TPRG1: variants seen among roughly 807,000 people sequenced by gnomAD.
The protein encoded by TPRG1 is tumor protein p63-regulated gene 1 protein.
In TPRG1, 29 loss-of-function variants were observed where a neutral mutation model predicts 29.3. The observed-to-expected ratio is 0.99, with a 90% CI of 0.74 to 1.35. The LOEUF is 1.35. Ranked by LOEUF, TPRG1 falls within the 40% of genes most tolerant of loss-of-function variation. TPRG1 has a pLI of 0.00. For synonymous variants in TPRG1, 130 were observed against 116.8 expected, an observed-to-expected ratio of 1.11 and a Z score of -0.73; for missense variants, 327 against 335.0, an observed-to-expected ratio of 0.98 and a Z score of 0.19.
At chr3:189,075,135 AT>A (rs1002088177) in intron 4 of TPRG1, among the ~76,000 whole-genome samples, 3 of 148,170 alleles carry the variant, frequency 2.0e-5, no homozygotes, top group Non-Finnish European at 4.5e-5. Context: ...AAATTTTATT[AT>A]TTTTTTTATT....
At position 189,238,636 on chromosome 3, in the gene TPRG1, A is replaced by G. The variant is rs1739952895; in HGVS notation, c.303-97A>G. 3 of 1,076,558 alleles carry G rather than the reference A, an allele frequency of 2.8e-6. No individual in the cohort carries two copies. In the South Asian group the frequency reaches 4.9e-5, roughly 18 times the overall value. The allele number at this position is 1,076,558 out of a possible 1,614,324, so 66.7% of individuals were successfully genotyped here. Reference sequence around the variant, plus strand: ...AGCCCCTCTCTCTTCTGAGTTGATCAAACTTCACTGTTTTCTGTGCTAGGA... The same window carrying G: ...AGCCCCTCTCTCTTCTGAGTTGATCGAACTTCACTGTTTTCTGTGCTAGGA... On this transcript the variant is annotated intron_variant, in intron 3 of 5. Coordinates refer to ENST00000345063, the MANE Select transcript of TPRG1 (RefSeq NM_198485.4).
chr3:189,259,543 C>A (rs1712615957), intron 4 of TPRG1, among the ~76,000 whole-genome samples: 2 of 145,270 alleles, frequency 1.4e-5, no homozygotes, highest in Non-Finnish European at 1.5e-5. Context: ...CGGCTCACTG[C>A]AACCAACCCC....
intron 4 of TPRG1, among the ~76,000 whole-genome samples, chr3:189,027,088 A>G (rs1416401465): frequency 2.0e-5 from 3 of 152,228 alleles, no homozygotes; most frequent in East Asian, 1.9e-4. Flanking sequence ...ACGCAATGCT[A>G]TGCAATTGTT....
rs5017282 is a variant in TPRG1 at position 189,312,105 on chromosome 3, G to A, written c.633+1566G>A. 4.2e-5 allele frequency among the ~76,000 whole-genome samples: 3 copies of A among 70,906 alleles called. 1 individual carries two copies. Among genetic ancestry groups the A allele is most frequent in the South Asian group, 4.1e-4 (1 of 2,438 alleles). 46.5% of individuals were successfully genotyped at this position (70,906 alleles called of 152,430 possible). A position where few individuals can be genotyped will look rare whatever the true frequency, so the allele number is the denominator to read the frequency against. ...TGTTTCTTTCTTTCTTTGTTTCTTT[G>A]TTTCTTTCTTTGTTTCTTTCTTTCT... is the stretch of plus-strand genomic sequence containing the variant. On this transcript the variant is annotated intron_variant, in intron 5 of 5. Transcript: ENST00000345063.
intron 4 of TPRG1, among the ~76,000 whole-genome samples, chr3:189,069,876 G>A (rs749522942): frequency 7.2e-5 from 11 of 152,118 alleles, no homozygotes; most frequent in Admixed American, 2.0e-4. Context: ...TCAAGAGATC[G>A]AGACCATCCT....
At chr3:189,141,816 T>C (rs1724608401) in intron 3 of TPRG1, among the ~76,000 whole-genome samples, 1 of 152,174 alleles carries the variant, frequency 6.6e-6, no homozygotes, top group Non-Finnish European at 1.5e-5. Context: ...TTGATTACTT[T>C]AAAAAGCTGT....
At chr3:189,136,163 G>T (rs1388927208) in intron 3 of TPRG1, among the ~76,000 whole-genome samples, 1 of 152,124 alleles carries the variant, frequency 6.6e-6, no homozygotes, top group Non-Finnish European at 1.5e-5. Context: ...TAAACTTCAT[G>T]CAATAAATGA....
chr3:189,174,733 A>G (rs745662744), intron 1 of TPRG1, among the ~76,000 whole-genome samples: 2 of 152,222 alleles, frequency 1.3e-5, no homozygotes, highest in Non-Finnish European at 2.9e-5. Context: ...CTAGCTATCA[A>G]AACTCAGTGA....
At chr3:189,297,272 T>G (rs541217052) in intron 4 of TPRG1, among the ~76,000 whole-genome samples, 3 of 152,268 alleles carry the variant, frequency 2.0e-5, no homozygotes, top group African/African-American at 7.2e-5. Context: ...TGAGCCACCA[T>G]GCCCGGCCAC....
At chr3:189,144,938 C>G (rs60845704) in intron 3 of TPRG1, among the ~76,000 whole-genome samples, 1 of 152,152 alleles carries the variant, frequency 6.6e-6, no homozygotes, top group African/African-American at 2.4e-5. Flanking sequence ...ATAAAAATGA[C>G]GCTTGAGCCT....
In TPRG1 at chr3:189,215,329, G is replaced by A; in HGVS notation, c.248G>A (p.Gly83Asp). The change falls in exon 3 of 6, where the codon GGT becomes GAT. Residue 83 changes from glycine (G) to aspartate (D), a missense_variant. Coordinates refer to ENST00000345063, the MANE Select transcript of TPRG1 (RefSeq NM_198485.4). ...GAGACTGCCATGGAAGACTTGAAAGGTCACGTAGCTGAGACTTCTGGAGAG... is the reference window on the plus strand; with the variant it reads ...GAGACTGCCATGGAAGACTTGAAAGATCACGTAGCTGAGACTTCTGGAGAG... The part of the protein sequence containing the change: ...AIETAMEDLK[G>D]HVAETSGETI... 1 of 1,612,158 alleles carries A rather than the reference G, an allele frequency of 6.2e-7. No individual in the cohort carries two copies. Among genetic ancestry groups the A allele is most frequent in the East Asian group, 2.2e-5 (1 of 44,784 alleles).
chr3:189,227,590 G>C (rs1383998149), intron 3 of TPRG1, among the ~76,000 whole-genome samples: 2 of 152,098 alleles, frequency 1.3e-5, no homozygotes, highest in Admixed American at 1.3e-4. Flanking sequence ...CTGCTGTTTT[G>C]ATACAAGTTG....
intron 4 of TPRG1, among the ~76,000 whole-genome samples, chr3:189,265,129 G>T (rs1713833153): frequency 1.3e-5 from 2 of 152,196 alleles, no homozygotes; most frequent in Admixed American, 6.5e-5. Context: ...GTTTGGTGTG[G>T]TTGGTATTTT....
upstream of TPRG1, among the ~76,000 whole-genome samples, chr3:189,169,407 C>T (rs528463567): frequency 3.7e-4 from 56 of 152,246 alleles, no homozygotes; most frequent in African/African-American, 1.1e-3. Context: ...TCAGATGATC[C>T]GCTCACCTCG....
At chr3:189,278,281 A>G (rs973866652) in intron 4 of TPRG1, among the ~76,000 whole-genome samples, 1 of 152,134 alleles carries the variant, frequency 6.6e-6, no homozygotes, top group Non-Finnish European at 1.5e-5. Flanking sequence ...GAATCTTCCC[A>G]AGGTGAGCAT....
chr3:189,272,752 GTTCCTTCCTTCC>G (rs1179275065), intron 4 of TPRG1, among the ~76,000 whole-genome samples: 2 of 44,872 alleles, frequency 4.5e-5, no homozygotes, highest in South Asian at 7.8e-4. Context: ...TCCTTCCTTC[GTTCCTTCCTTCC>G]TTCCTTCCTT....
At chr3:189,243,651 T>G (rs934748875) in intron 4 of TPRG1, among the ~76,000 whole-genome samples, 1 of 152,192 alleles carries the variant, frequency 6.6e-6, no homozygotes, top group Non-Finnish European at 1.5e-5. Context: ...CTCATATGTA[T>G]GAGTATAGGT....
intron 4 of TPRG1, among the ~76,000 whole-genome samples, chr3:189,093,139 C>A (rs1718445838): frequency 1.3e-5 from 2 of 150,622 alleles, no homozygotes; most frequent in African/African-American, 4.9e-5. Context: ...AGACAAAGAG[C>A]ATGAGAGAAT....
chr3:189,245,779 CTG>C (rs1560600345), intron 4 of TPRG1, among the ~76,000 whole-genome samples: 1 of 152,048 alleles, frequency 6.6e-6, no homozygotes, highest in East Asian at 1.9e-4. Flanking sequence ...AAATCTATCA[CTG>C]TGGAATTTTC....
Sources: gnomAD v4.1 joint callset for allele counts (sites outside exome capture counted in the v4.1 genomes callset) on GRCh38, gnomAD v4.1.1 for gene constraint, MANE v1.5 for transcripts, NCBI Gene and HGNC (gene_info 2026-07-23, HGNC 2026-07-21) for gene names.